Variants in ERCC3 observed in about 807,000 individuals in gnomAD.
ERCC3 encodes the protein general transcription and DNA repair factor IIH helicase/translocase subunit XPB.
In ERCC3, 66 loss-of-function variants were observed where a neutral mutation model predicts 94.2. That is an observed-to-expected ratio of 0.70 (90% CI 0.57 to 0.86). The LOEUF is 0.86. Ranked by LOEUF, ERCC3 falls within the 40% of genes least tolerant of loss-of-function variation. ERCC3 has a pLI of 0.00. For missense variants in ERCC3, 829 were observed against 987.1 expected (o/e 0.84, Z 2.15); for synonymous variants, 349 against 369.1 (o/e 0.95, Z 0.63).
intron 12 of ERCC3, among the ~76,000 whole-genome samples, chr2:127,266,709 ATTTTTTTTTTTTT>A (rs960627621): frequency 1.1e-5 from 1 of 87,336 alleles, no homozygotes; most frequent in Non-Finnish European, 2.1e-5. Context: ...ATGATCAATT[ATTTTTTTTTTTTT>A]TTTTTTTTTT....
chr2:127,261,546 A>G, intron 12 of ERCC3, 200 bp from the exon 13 acceptor site: 1 of 592,638 alleles, frequency 1.7e-6, no homozygotes, highest in Non-Finnish European at 3.0e-6. Flanking sequence ...GTGAAAAAAC[A>G]ATCCTCAGAA....
chr2:127,289,267 C>G, intron 6 of ERCC3, 70 bp downstream of exon 6: 1 of 1,401,204 alleles, frequency 7.1e-7, no homozygotes, highest in Non-Finnish European at 1.0e-6. Flanking sequence ...CAGGCAGAGT[C>G]GACACATGGC....
Position 127,272,962 on chromosome 2 carries a change from C to T in ERCC3, c.1731-1G>A. On this transcript the variant is annotated splice_acceptor_variant, in intron 10 of 14. Transcript: ENST00000285398. LOFTEE classifies it high-confidence loss of function. The stretch of plus-strand genomic sequence containing the variant: ...AGACGTAGGTCCGTAGATATAGGGT[C>T]TAGAGAAGAATGAAGCTGTGTTAGA... 1 of 1,589,194 alleles carries T rather than the reference C, an allele frequency of 6.3e-7. No individual in the cohort carries two copies. The highest frequency in any genetic ancestry group is 1.3e-5 in the African/African-American group (1 of 74,552).
chr2:127,280,724 A>C lies in ERCC3; in HGVS notation c.1343-93T>G. 6.8e-6 allele frequency: 8 copies of C among 1,173,174 alleles called. No individual in the cohort carries two copies. Among genetic ancestry groups the C allele is most frequent in the Non-Finnish European group, 9.9e-6 (8 of 811,868 alleles). 72.7% of individuals were successfully genotyped at this position (1,173,174 alleles called of 1,614,324 possible). The stretch of plus-strand genomic sequence containing the variant: ...ATATTTTTTGTAGAGATGGGGTCTC[A>C]TTATATTGCCCAGGCTGGTCTTGAA... On this transcript the variant is annotated intron_variant, in intron 8 of 14. Transcript: ENST00000285398. This position sits in a 1 kb window ranked among gnomAD's most constrained non-coding sequence, Gnocchi z 6.3.
chr2:127,258,963 C>G lies in ERCC3; in HGVS notation c.2217+333G>C, dbSNP rs1684104657. Among the ~76,000 whole-genome samples the G allele has an allele frequency of 6.6e-6, 1 of 152,136 alleles. No individual in the cohort carries two copies. Among genetic ancestry groups the G allele is most frequent in the Non-Finnish European group, 1.5e-5 (1 of 68,022 alleles). On this transcript the variant is annotated intron_variant, in intron 14 of 14. Transcript: ENST00000285398. The surrounding 1 kb of genome is among the most constrained non-coding windows in gnomAD (Gnocchi z 4.1). ...CCCTGTGTGTGGGAACTACGTACCC[C>G]CAGCCCATCATGCTCCCTCCAGTCA...
chr2:127,290,333 A>G lies in ERCC3; in HGVS notation c.472-60T>C. 3 of 1,322,928 alleles carry G rather than the reference A, an allele frequency of 2.3e-6. No individual in the cohort carries two copies. The South Asian group carries it at 3.5e-5, about 16-fold the overall frequency. 81.9% of individuals were successfully genotyped at this position (1,322,928 alleles called of 1,614,324 possible). A position where few individuals can be genotyped will look rare whatever the true frequency, so the allele number is the denominator to read the frequency against. ...GCAGCTAACTCAGAACACATTCATT[A>G]CTGGTCACATCTTACACCTACCAAC... On this transcript the variant is annotated intron_variant, in intron 3 of 14. Coordinates refer to ENST00000285398, the MANE Select transcript of ERCC3 (RefSeq NM_000122.2).
At position 127,285,982 on chromosome 2, in the gene ERCC3, TA is replaced by T. The variant is rs11383326; in HGVS notation, c.1342+720del. On this transcript the variant is annotated intron_variant, in intron 8 of 14. Coordinates refer to ENST00000285398, the MANE Select transcript of ERCC3 (RefSeq NM_000122.2). ...TATAAATTAAATCAATAGAGCAGCTTAAAAAAAAAAGGTTTGCCCATGATAC... is the reference window on the plus strand; with the variant it reads ...TATAAATTAAATCAATAGAGCAGCTTAAAAAAAAAGGTTTGCCCATGATAC... Among the ~76,000 whole-genome samples, 343 of 149,574 alleles carry T rather than the reference TA, an allele frequency of 2.3e-3. 1 individual carries two copies. The highest frequency in any genetic ancestry group is 7.5e-3 in the African/African-American group (307 of 40,678).
intron 7 of ERCC3, among the ~76,000 whole-genome samples, 198 bp downstream of exon 7, chr2:127,288,462 A>G (rs1685153004): frequency 1.3e-5 from 2 of 152,212 alleles, no homozygotes; most frequent in Admixed American, 6.5e-5. Flanking sequence ...TCTAGCCACC[A>G]TAATACCCCC....
Position 127,289,470 on chromosome 2 carries a change from G to A in ERCC3, c.689C>T (p.Pro230Leu), listed in dbSNP as rs1156498564. 6.2e-7 allele frequency: 1 copy of A among 1,612,722 alleles called. No homozygotes were observed. The highest frequency in any genetic ancestry group is 8.5e-7 in the Non-Finnish European group (1 of 1,180,038). Residue 230 changes from proline (P) to leucine (L), a missense_variant, in exon 6 of 15, where the codon CCC becomes CTC. Physicochemically the swap from Pro to Leu is moderately conservative, Grantham distance 98. Transcript: ENST00000285398. ...ISKTAESSGGPSTSRVTDPQG... is the reference protein window; with the variant it reads ...ISKTAESSGGLSTSRVTDPQG... ...TGGATCTGTCACTCGGGAAGTGGAG[G>A]GCCCACCACTGCTTTCAGCAGTCTT...
chr2:127,270,018 CTCAA>C (rs5834172), intron 12 of ERCC3, among the ~76,000 whole-genome samples: 102 of 150,492 alleles, frequency 6.8e-4, no homozygotes, highest in South Asian at 3.2e-3. Flanking sequence ...AAGACTCTAT[CTCAA>C]TCAATCAATC....
rs887761209 is a variant in ERCC3, at chr2:127,293,478, C to T, written c.234+35G>A. 4.4e-6 allele frequency: 7 copies of T among 1,596,972 alleles called. No homozygotes were observed. In the African/African-American group the frequency reaches 8.0e-5, roughly 18 times the overall value. ...CAAGATTTAGCTGCCGCTCCGCACA[C>T]TCCTGGGCCCTGCCCAAGCTAAGGG... On this transcript the variant is annotated intron_variant, in intron 2 of 14. Transcript: ENST00000285398.
chr2:127,257,560 A>T lies in ERCC3; in HGVS notation c.*36T>A. On this transcript the variant is annotated 3_prime_UTR_variant, in exon 15 of 15. Coordinates refer to ENST00000285398, the MANE Select transcript of ERCC3 (RefSeq NM_000122.2). The surrounding 1 kb of genome is among the most constrained non-coding windows in gnomAD (Gnocchi z 5.4). Reference sequence around the variant, plus strand: ...AAAATCCCTTTCCAACAAGGGTGCCAAGCGCCGGTCTTGAACGAAGTACCC... The same window carrying T: ...AAAATCCCTTTCCAACAAGGGTGCCTAGCGCCGGTCTTGAACGAAGTACCC... 3.1e-6 allele frequency: 5 copies of T among 1,612,566 alleles called. No homozygotes were observed. Among genetic ancestry groups the T allele is most frequent in the Non-Finnish European group, 4.2e-6 (5 of 1,179,824 alleles).
chr2:127,290,761 A>G (rs968957368), intron 3 of ERCC3: 2 of 218,782 alleles, frequency 9.1e-6, no homozygotes, highest in Non-Finnish European at 1.8e-5. Flanking sequence ...GAAGGAATAC[A>G]GTAGAGGCTG....
chr2:127,259,475 C>G lies in ERCC3; in HGVS notation c.2065-27G>C, dbSNP rs750405794. On this transcript the variant is annotated intron_variant, in intron 13 of 14. Transcript: ENST00000285398. This position sits in a 1 kb window ranked among gnomAD's most constrained non-coding sequence, Gnocchi z 4.9. ...TGCAAAGCCCAAGCCAGCAGACATG[C>G]CCCTTTCTGCTCTCTCTCCCCAGCC... 6.2e-7 allele frequency: 1 copy of G among 1,613,658 alleles called. No homozygotes were observed. Among genetic ancestry groups the G allele is most frequent in the Admixed American group, 1.7e-5 (1 of 60,018 alleles).
Position 127,257,898 on chromosome 2 carries a change from T to C in ERCC3, c.2218-171A>G, listed in dbSNP as rs1408089557. On this transcript the variant is annotated intron_variant, in intron 14 of 14. Transcript: ENST00000285398. The surrounding 1 kb of genome is among the most constrained non-coding windows in gnomAD (Gnocchi z 5.4). The stretch of plus-strand genomic sequence containing the variant: ...CAGGCATTGTTCTAAGCATTTTACA[T>C]GCATTATCTCCTCTAATCCTCAAAA... Among the ~76,000 whole-genome samples, 1 of 152,206 alleles carries C rather than the reference T, an allele frequency of 6.6e-6. No individual in the cohort carries two copies. The highest frequency in any genetic ancestry group is 1.5e-5 in the Non-Finnish European group (1 of 68,032).
chr2:127,272,892 G>C lies in ERCC3; in HGVS notation c.1800C>G (p.Pro600=). The C allele has an allele frequency of 6.2e-7, 1 of 1,613,468 alleles. No homozygotes were observed. Among genetic ancestry groups the C allele is most frequent in the South Asian group, 1.1e-5 (1 of 91,052 alleles). Residue 600 remains proline, a synonymous_variant, in exon 11 of 15, where the codon CCC becomes CCG. Transcript: ENST00000285398. ...TGGATATGAAGATGGTGTTAATTTTGGGGTTGTGCTTGAAATTCTGGAGAA... is the reference window on the plus strand; with the variant it reads ...TGGATATGAAGATGGTGTTAATTTTCGGGTTGTGCTTGAAATTCTGGAGAA... ...MQILQNFKHN[P]KINTIFISKV...
At chr2:127,270,272 G>T (rs1462314636) in intron 12 of ERCC3, among the ~76,000 whole-genome samples, 1 of 152,062 alleles carries the variant, frequency 6.6e-6, no homozygotes, top group Non-Finnish European at 1.5e-5. Context: ...CTATCCTCCT[G>T]CCTTGGCCTC....
Position 127,269,026 on chromosome 2 carries a change from C to A in ERCC3, c.1945+2310G>T, listed in dbSNP as rs115071910. 2.0e-3 allele frequency among the ~76,000 whole-genome samples: 302 copies of A among 152,300 alleles called. 2 individuals carry two copies. The highest frequency in any genetic ancestry group is 7.1e-3 in the African/African-American group (295 of 41,562). Reference sequence around the variant, plus strand: ...GACTAATGGGTGGGGAGAATTTAAGCATGAATATGCCGCACAAAGCAAGAA... The same window carrying A: ...GACTAATGGGTGGGGAGAATTTAAGAATGAATATGCCGCACAAAGCAAGAA... On this transcript the variant is annotated intron_variant, in intron 12 of 14. Coordinates refer to ENST00000285398, the MANE Select transcript of ERCC3 (RefSeq NM_000122.2).
At chr2:127,281,098 A>G (rs1326459804) in intron 8 of ERCC3, 5 of 409,536 alleles carry the variant, frequency 1.2e-5, no homozygotes, top group Non-Finnish European at 2.2e-5. Context: ...AATTTGAAAT[A>G]CAACCTGCAA....
Sources: allele counts gnomAD v4.1 joint callset (sites outside exome capture counted in the v4.1 genomes callset), GRCh38; gene constraint gnomAD v4.1.1; non-coding constraint Gnocchi (gnomAD v3.1); transcripts MANE v1.5; gene names NCBI Gene and HGNC (gene_info 2026-07-23, HGNC 2026-07-21).